The following ULK4 variants were observed in gnomAD, a reference collection of about 807,000 sequenced individuals.
ULK4 encodes the protein inactive serine/threonine-protein kinase ULK4.
ULK4 carries 133 observed loss-of-function variants against 160.6 expected under a neutral mutation model. The ratio of observed to expected loss-of-function variants is 0.83; its 90% CI spans 0.72 to 0.96. The LOEUF (loss-of-function observed/expected upper bound fraction) is 0.96. ULK4 is among the 40% of genes least tolerant of loss of function. ULK4 has a pLI of 0.00. For synonymous variants in ULK4, 534 were observed against 539.8 expected, an observed-to-expected ratio of 0.99 and a Z score of 0.15; for missense variants, 1,580 against 1,499.5, an observed-to-expected ratio of 1.05 and a Z score of -0.89.
At chr3:41,959,843 A>G (rs1404940069) in intron 1 of ULK4, among the ~76,000 whole-genome samples, 2 of 152,230 alleles carry the variant, frequency 1.3e-5, no homozygotes, top group East Asian at 3.8e-4. Flanking sequence ...TATAACCAAA[A>G]TAAGATTAAA....
intron 17 of ULK4, among the ~76,000 whole-genome samples, chr3:41,862,356 T>C (rs2042518353): frequency 6.6e-6 from 1 of 152,242 alleles, no homozygotes. Context: ...ATTCTCTCTC[T>C]GAAAGGTCAC....
At chr3:41,317,732 C>G (rs1244718387) in intron 35 of ULK4, among the ~76,000 whole-genome samples, 1 of 152,298 alleles carries the variant, frequency 6.6e-6, no homozygotes, top group South Asian at 2.1e-4. Context: ...TGATGCTGAA[C>G]AGAATTACAA....
chr3:41,350,242 G>C (rs1401574678), intron 35 of ULK4, among the ~76,000 whole-genome samples: 1 of 152,082 alleles, frequency 6.6e-6, no homozygotes, highest in African/African-American at 2.4e-5. Flanking sequence ...TTGATCTTTT[G>C]CTTTTGATTT....
intron 20 of ULK4, among the ~76,000 whole-genome samples, chr3:41,792,401 C>A (rs1018962284): frequency 2.6e-5 from 4 of 151,636 alleles, no homozygotes; most frequent in African/African-American, 9.7e-5. Context: ...TTTCCTAATC[C>A]AAGTATTTTT....
chr3:41,562,520 A>G (rs944949129), intron 32 of ULK4, among the ~76,000 whole-genome samples: 4 of 151,422 alleles, frequency 2.6e-5, no homozygotes, highest in Non-Finnish European at 5.9e-5. Flanking sequence ...ATCTCTAAGG[A>G]CTTGCTTTAT....
intron 35 of ULK4, among the ~76,000 whole-genome samples, chr3:41,343,832 C>T (rs1037144681): frequency 1.3e-5 from 2 of 152,124 alleles, no homozygotes; most frequent in Non-Finnish European, 2.9e-5. Flanking sequence ...TAAAAACCAC[C>T]GCTCAAATAA....
At chr3:41,663,785 T>A in intron 29 of ULK4, 86 bp from the exon 30 acceptor site, 2 of 1,108,248 alleles carry the variant, frequency 1.8e-6, no homozygotes, top group Non-Finnish European at 2.7e-6. Flanking sequence ...ACTATCAATT[T>A]AGCTTAAGAC....
At chr3:41,801,206 A>G (rs2040449934) in intron 19 of ULK4, among the ~76,000 whole-genome samples, 1 of 152,200 alleles carries the variant, frequency 6.6e-6, no homozygotes, top group Admixed American at 6.5e-5. Flanking sequence ...TATAATAAAA[A>G]TACACTGAAT....
At chr3:41,254,657 G>A (rs190294681) in intron 35 of ULK4, among the ~76,000 whole-genome samples, 126 of 152,152 alleles carry the variant, frequency 8.3e-4, no homozygotes, top group Middle Eastern at 3.4e-3. Flanking sequence ...TGAGGAGGGC[G>A]GATAACTTGA....
chr3:41,425,046 T>C (rs1306716680), intron 34 of ULK4, among the ~76,000 whole-genome samples: 1 of 151,988 alleles, frequency 6.6e-6, no homozygotes, highest in African/African-American at 2.4e-5. Context: ...CTAAGAATCA[T>C]GATAAAACAT....
chr3:41,370,259 T>C (rs1332901863), intron 35 of ULK4, among the ~76,000 whole-genome samples: 2 of 151,858 alleles, frequency 1.3e-5, no homozygotes, highest in Non-Finnish European at 2.9e-5. Flanking sequence ...ATTTTGGAGA[T>C]GCAATTAATG....
At position 41,794,660 on chromosome 3, in the gene ULK4, C is replaced by CAAAAAAAAAAAA. The variant is rs71075484; in HGVS notation, c.2011-4829_2011-4818dup. Among the ~76,000 whole-genome samples the CAAAAAAAAAAAA allele has an allele frequency of 8.9e-3, 169 of 18,950 alleles. 15 individuals carry two copies. The highest frequency in any genetic ancestry group is 0.014 in the Admixed American group (11 of 778). 12.4% of individuals were successfully genotyped at this position (18,950 alleles called of 152,430 possible). ...TGGGTGACAGAGCAAGACTCTGTCT[C>CAAAAAAAAAAAA]AAAAAAAAAAAAAAAAAAAAAAAAA... On this transcript the variant is annotated intron_variant, in intron 20 of 36. Transcript: ENST00000301831.
chr3:41,886,100 G>A lies in ULK4; in HGVS notation c.1578-2148C>T, dbSNP rs186394847. Among the ~76,000 whole-genome samples the A allele has an allele frequency of 1.0e-3, 154 of 152,220 alleles. 1 individual carries two copies. The highest frequency in any genetic ancestry group is 3.5e-3 in the African/African-American group (144 of 41,544). On this transcript the variant is annotated intron_variant, in intron 16 of 36. Transcript: ENST00000301831. The stretch of plus-strand genomic sequence containing the variant: ...TCATAAGTAGGACCAACAACAATAC[G>A]TACCTCATGTTGTTCTAAGAATCAA...
intron 2 of ULK4, among the ~76,000 whole-genome samples, chr3:41,949,145 A>C (rs1385560819): frequency 3.3e-5 from 5 of 151,596 alleles, no homozygotes; most frequent in African/African-American, 1.2e-4. Context: ...CGTCTCTACT[A>C]AAAATACAAA....
At chr3:41,257,986 T>G (rs2078866845) in intron 35 of ULK4, among the ~76,000 whole-genome samples, 1 of 152,200 alleles carries the variant, frequency 6.6e-6, no homozygotes, top group Non-Finnish European at 1.5e-5. Flanking sequence ...CAAACCATTT[T>G]CTATAGCTGG....
chr3:41,470,044 A>AAAAAAAAAAAAAAAAAAAAAAC lies in ULK4; in HGVS notation c.3227-6792_3227-6791insGTTTTTTTTTTTTTTTTTTTTT, dbSNP rs1415943037. Among the ~76,000 whole-genome samples, 15 of 116,686 alleles carry AAAAAAAAAAAAAAAAAAAAAAC rather than the reference A, an allele frequency of 1.3e-4. 1 individual carries two copies. The highest frequency in any genetic ancestry group is 2.5e-4 in the African/African-American group (7 of 28,222). The allele number at this position is 116,686 out of a possible 152,430, so 76.6% of individuals were successfully genotyped here. On this transcript the variant is annotated intron_variant, in intron 32 of 36. Transcript: ENST00000301831. The stretch of plus-strand genomic sequence containing the variant: ...AAAAAAAAAAAAAAAAAAAAAAAAA[A>AAAAAAAAAAAAAAAAAAAAAAC]AACAAAGTATTTTTAAAGGAACTAA...
chr3:41,657,834 A>AAAAAAAAAAAAAAAAAAAAAAC (rs1553628520), intron 30 of ULK4, among the ~76,000 whole-genome samples: 4 of 150,072 alleles, frequency 2.7e-5, no homozygotes, highest in African/African-American at 5.0e-5. Flanking sequence ...AAAAAAAAAA[A>AAAAAAAAAAAAAAAAAAAAAAC]ACACACACCA....
intron 35 of ULK4, among the ~76,000 whole-genome samples, chr3:41,352,403 T>C (rs1304035809): frequency 6.6e-6 from 1 of 152,202 alleles, no homozygotes; most frequent in African/African-American, 2.4e-5. Context: ...CTGATAGTAT[T>C]AGAAGGGATT....
At chr3:41,273,933 A>G (rs1038323408) in intron 35 of ULK4, among the ~76,000 whole-genome samples, 2 of 152,126 alleles carry the variant, frequency 1.3e-5, no homozygotes, top group Non-Finnish European at 2.9e-5. Flanking sequence ...AAAAGCCCAC[A>G]CCAGAAGCCA....
Sources: allele counts gnomAD v4.1 joint callset (sites outside exome capture counted in the v4.1 genomes callset), GRCh38; gene constraint gnomAD v4.1.1; transcripts MANE v1.5; gene names NCBI Gene and HGNC (gene_info 2026-07-23, HGNC 2026-07-21).